Variants in LPGAT1 observed in about 807,000 individuals in gnomAD.
The protein encoded by LPGAT1 is acyl-CoA:lysophosphatidylglycerol acyltransferase 1.
LPGAT1 carries 11 observed loss-of-function variants against 47.5 expected under a neutral mutation model. The observed-to-expected ratio is 0.23, with a 90% confidence interval of 0.15 to 0.38. The LOEUF is 0.38. LPGAT1 is among the 10% of genes least tolerant of loss of function. The probability of loss-of-function intolerance (pLI) is 1.00; values close to 1 mark genes in which losing one functional copy is unlikely to be tolerated. For missense variants in LPGAT1, 293 were observed against 439.0 expected (o/e 0.67, Z 2.97); for synonymous variants, 138 against 144.2 (o/e 0.96, Z 0.31).
chr1:211,794,007 G>A (rs1659247266), intron 2 of LPGAT1, among the ~76,000 whole-genome samples: 1 of 152,098 alleles, frequency 6.6e-6, no homozygotes, highest in Non-Finnish European at 1.5e-5. Flanking sequence ...TCTTTTTAAA[G>A]CAGGAATACC....
chr1:211,767,728 A>C (rs1657977365), intron 6 of LPGAT1, among the ~76,000 whole-genome samples: 1 of 152,226 alleles, frequency 6.6e-6, no homozygotes, highest in African/African-American at 2.4e-5. Context: ...GCTGAAGTAG[A>C]GATGAAATTA....
intron 1 of LPGAT1, chr1:211,829,780 C>A (rs1402012180): frequency 2.0e-6 from 2 of 991,710 alleles, no homozygotes; most frequent in Non-Finnish European, 2.4e-6. Context: ...ACGATTCCTG[C>A]ACACCGATGC....
At position 211,783,371 on chromosome 1, in the gene LPGAT1, A is replaced by G. The variant is rs1658720047; in HGVS notation, c.585T>C (p.Ser195=). Residue 195 remains serine, a synonymous_variant, in exon 5 of 8, where the codon AGT becomes AGC. Transcript: ENST00000366997. Reference sequence around the variant, plus strand: ...AGTTATTTTTCTTGGCAAATGCCTGACTTGTTTCTCGCCTCTTCCTGAGGA... The same window carrying G: ...AGTTATTTTTCTTGGCAAATGCCTGGCTTGTTTCTCGCCTCTTCCTGAGGA... ...GGFLRKRRET[S]QAFAKKNNLP... is the part of the protein sequence containing the mutation. The G allele has an allele frequency of 6.2e-7, 1 of 1,614,056 alleles. No individual in the cohort carries two copies. Among genetic ancestry groups the G allele is most frequent in the African/African-American group, 1.3e-5 (1 of 74,924 alleles).
chr1:211,815,404 A>G (rs1268985773), intron 2 of LPGAT1, among the ~76,000 whole-genome samples: 1 of 151,962 alleles, frequency 6.6e-6, no homozygotes, highest in Non-Finnish European at 1.5e-5. Flanking sequence ...TTTCCCTCCT[A>G]TAAAACTCTC....
intron 2 of LPGAT1, among the ~76,000 whole-genome samples, chr1:211,820,657 A>G (rs1228163399): frequency 6.6e-6 from 1 of 152,108 alleles, no homozygotes; most frequent in Non-Finnish European, 1.5e-5. Flanking sequence ...AAACAAACAA[A>G]TGAAAAACGG....
At chr1:211,816,308 T>C (rs1167097697) in intron 2 of LPGAT1, among the ~76,000 whole-genome samples, 1 of 152,208 alleles carries the variant, frequency 6.6e-6, no homozygotes, top group African/African-American at 2.4e-5. Flanking sequence ...TGTAAACTTC[T>C]TAAGAACAGC....
At chr1:211,823,117 C>T (rs1386676575) in intron 2 of LPGAT1, among the ~76,000 whole-genome samples, 1 of 152,110 alleles carries the variant, frequency 6.6e-6, no homozygotes, top group Non-Finnish European at 1.5e-5. Context: ...ATCTAAAGGT[C>T]AAAATTGGCT....
rs1321156176 is a variant in LPGAT1, at chr1:211,746,937, C to G, written c.*2962G>C. The stretch of plus-strand genomic sequence containing the variant: ...TTCCATCACTGTAACTCATCAATAC[C>G]AAGATTCCAGCAATGGATTCTCAAC... On this transcript the variant is annotated 3_prime_UTR_variant, in exon 8 of 8. Transcript: ENST00000366997. 6.6e-6 allele frequency: 1 copy of G among 152,142 alleles called. No individual in the cohort carries two copies. Among genetic ancestry groups the G allele is most frequent in the South Asian group, 2.1e-4 (1 of 4,824 alleles). The allele number at this position is 152,142 out of a possible 1,614,324, so 9.4% of individuals were successfully genotyped here. A position where few individuals can be genotyped will look rare whatever the true frequency, so the allele number is the denominator to read the frequency against.
chr1:211,828,449 A>T (rs1012218798), intron 2 of LPGAT1, among the ~76,000 whole-genome samples: 9 of 152,346 alleles, frequency 5.9e-5, no homozygotes, highest in Middle Eastern at 3.4e-3. Context: ...CAGAAATCAC[A>T]ATCTATTTAA....
In LPGAT1 at chr1:211,747,322, C is replaced by A. The variant is rs1323125224; in HGVS notation, c.*2577G>T. The A allele has an allele frequency of 6.6e-6, 1 of 152,110 alleles. No individual in the cohort carries two copies. The allele number at this position is 152,110 out of a possible 1,614,324, so 9.4% of individuals were successfully genotyped here. A position where few individuals can be genotyped will look rare whatever the true frequency, so the allele number is the denominator to read the frequency against. The stretch of plus-strand genomic sequence containing the variant: ...GTTAAAGAATCAAAGAAGGATAGGG[C>A]AGATCAAATACACATCTATTTACAA... On this transcript the variant is annotated 3_prime_UTR_variant, in exon 8 of 8. Transcript: ENST00000366997.
chr1:211,773,147 G>C (rs1412646880), intron 6 of LPGAT1, among the ~76,000 whole-genome samples: 1 of 152,088 alleles, frequency 6.6e-6, no homozygotes, highest in Non-Finnish European at 1.5e-5. Context: ...TAGTCAATTA[G>C]TTCTCAAAGT....
intron 1 of LPGAT1, chr1:211,829,828 C>T (rs1170036386): frequency 2.4e-5 from 24 of 985,570 alleles, no homozygotes; most frequent in Non-Finnish European, 2.9e-5. Flanking sequence ...CGAAGAGTTA[C>T]CCTCAAAATT....
In LPGAT1 at chr1:211,829,875, T is replaced by C. The variant is rs1660666181; in HGVS notation, c.-27-552A>G. ...CAATAGGGTTTTTGTTTCCCTTTTT[T>C]TTTTAAGAAAAAAAATGGGGGGCCT... On this transcript the variant is annotated intron_variant, in intron 1 of 7. Coordinates refer to ENST00000366997, the MANE Select transcript of LPGAT1 (RefSeq NM_014873.3). 1.3e-5 allele frequency: 13 copies of C among 984,544 alleles called. 1 individual carries two copies. In the South Asian group the frequency reaches 3.3e-4, roughly 25 times the overall value. 61.0% of individuals were successfully genotyped at this position (984,544 alleles called of 1,614,324 possible).
rs374276472 is a variant in LPGAT1, at chr1:211,829,126, G to T, written c.171C>A (p.Ile57=). 8 of 1,613,876 alleles carry T rather than the reference G, an allele frequency of 5.0e-6. No individual in the cohort carries two copies. The highest frequency in any genetic ancestry group is 3.3e-5 in the Admixed American group (2 of 59,968). ...RVLDSKRFWY[I]EGIMYKWLLG... Reference sequence around the variant, plus strand: ...AAAGCCATTTATACATGATTCCTTCGATATACCAGAACCGCTTACTGTCCA... The same window carrying T: ...AAAGCCATTTATACATGATTCCTTCTATATACCAGAACCGCTTACTGTCCA... Residue 57 remains isoleucine, a synonymous_variant, in exon 2 of 8, where the codon ATC becomes ATA. Transcript: ENST00000366997.
At chr1:211,822,610 C>T (rs1660399542) in intron 2 of LPGAT1, among the ~76,000 whole-genome samples, 1 of 152,010 alleles carries the variant, frequency 6.6e-6, no homozygotes, top group Non-Finnish European at 1.5e-5. Flanking sequence ...AACCCCATCT[C>T]TACTAAACAT....
At chr1:211,829,681 T>C in intron 1 of LPGAT1, 1 of 1,049,032 alleles carries the variant, frequency 9.5e-7, no homozygotes, top group Non-Finnish European at 1.2e-6. Context: ...CCTCAGGATC[T>C]CCAAACTGAA....
intron 2 of LPGAT1, among the ~76,000 whole-genome samples, chr1:211,794,240 C>T (rs752539315): frequency 2.6e-5 from 4 of 152,288 alleles, no homozygotes; most frequent in East Asian, 3.9e-4. Flanking sequence ...AAAATCTATA[C>T]GTACATTCTA....
Position 211,750,017 on chromosome 1 carries a change from G to A in LPGAT1, c.995C>T (p.Ala332Val). The change falls in exon 8 of 8, where the codon GCT becomes GTT. Residue 332 changes from alanine (A) to valine (V), a missense_variant. Ala to Val is a moderately conservative substitution (Grantham distance 64, BLOSUM62 0). Coordinates refer to ENST00000366997, the MANE Select transcript of LPGAT1 (RefSeq NM_014873.3). ...GCTGAGGGTCATCTCCCTGGAAACA[G>A]CTTCCTTATGGCCCTTGGAAGGTGG... ...AFPPSKGHKE[A>V]VSREMTLSNL... The A allele has an allele frequency of 1.9e-6, 3 of 1,614,022 alleles. No homozygotes were observed. Among genetic ancestry groups the A allele is most frequent in the Non-Finnish European group, 2.5e-6 (3 of 1,179,954 alleles).
At chr1:211,775,708 C>A (rs113940681) in intron 6 of LPGAT1, among the ~76,000 whole-genome samples, 3 of 152,162 alleles carry the variant, frequency 2.0e-5, no homozygotes, top group African/African-American at 7.2e-5. Flanking sequence ...GTGGGTGGAT[C>A]ACCTGAGGTC....
Sources: allele counts gnomAD v4.1 joint callset (sites outside exome capture counted in the v4.1 genomes callset), GRCh38; gene constraint gnomAD v4.1.1; transcripts MANE v1.5; gene names NCBI Gene and HGNC (gene_info 2026-07-23, HGNC 2026-07-21).